RNF185: variants seen among roughly 807,000 people sequenced by gnomAD.
The protein encoded by RNF185 is E3 ubiquitin-protein ligase RNF185.
Under a neutral mutation model 24.9 loss-of-function variants are expected in RNF185, and 13 were observed. The observed-to-expected ratio is 0.52, with a 90% CI of 0.34 to 0.83. The LOEUF is 0.83. Among genes scored for constraint, RNF185 ranks in the 40% least tolerant of loss-of-function variants. The probability of loss-of-function intolerance (pLI) is 0.01; values close to 1 mark genes in which losing one functional copy is unlikely to be tolerated. For missense variants in RNF185, 184 were observed against 244.7 expected (o/e 0.75, Z 1.65); for synonymous variants, 79 against 90.3 (o/e 0.88, Z 0.71).
chr22:31,192,984 A>G (rs1568970508), intron 3 of RNF185, among the ~76,000 whole-genome samples: 1 of 152,174 alleles, frequency 6.6e-6, no homozygotes, highest in African/African-American at 2.4e-5. Flanking sequence ...TATTTTTGAG[A>G]TTCTGCTTCT....
Position 31,181,330 on chromosome 22 carries a change from C to T in RNF185, c.-48-5717C>T, listed in dbSNP as rs184349135. On this transcript the variant is annotated intron_variant, in intron 1 of 6. Transcript: ENST00000326132. ...CTGCACTCCAGCCTGGGCAACAGAG[C>T]GAGACCATCTCAAAAAAAAGAAAAA... 1.6e-4 allele frequency among the ~76,000 whole-genome samples: 24 copies of T among 151,058 alleles called. No homozygotes were observed. The East Asian group carries it at 2.0e-3, about 12-fold the overall frequency.
At chr22:31,192,522 A>C (rs552608674) in intron 2 of RNF185, among the ~76,000 whole-genome samples, 162 bp from the exon 3 acceptor site, 1 of 151,894 alleles carries the variant, frequency 6.6e-6, no homozygotes, top group South Asian at 2.1e-4. Context: ...AGTAATCCCT[A>C]CAGAACCTCA....
intron 1 of RNF185, among the ~76,000 whole-genome samples, chr22:31,181,428 T>G (rs1275781330): frequency 6.6e-6 from 1 of 152,212 alleles, no homozygotes; most frequent in East Asian, 1.9e-4. Context: ...ATCACCCAGC[T>G]TCAACAACCA....
chr22:31,183,596 T>G (rs530434632), intron 1 of RNF185, among the ~76,000 whole-genome samples: 14 of 152,182 alleles, frequency 9.2e-5, no homozygotes, highest in African/African-American at 3.1e-4. Flanking sequence ...TCTTAACGAG[T>G]ATGCTGCCTT....
At chr22:31,178,993 T>C (rs1297068746) in intron 1 of RNF185, among the ~76,000 whole-genome samples, 3 of 152,176 alleles carry the variant, frequency 2.0e-5, no homozygotes, top group Non-Finnish European at 4.4e-5. Flanking sequence ...TCCTCTAATG[T>C]CCCTGGCCCA....
chr22:31,183,326 G>A (rs1260224921), intron 1 of RNF185, among the ~76,000 whole-genome samples: 4 of 151,946 alleles, frequency 2.6e-5, no homozygotes, highest in African/African-American at 7.3e-5. Context: ...AGGCTGATGT[G>A]ACTGATCTGA....
At chr22:31,193,465 T>C (rs1290802916) in intron 3 of RNF185, among the ~76,000 whole-genome samples, 1 of 152,190 alleles carries the variant, frequency 6.6e-6, no homozygotes, top group Non-Finnish European at 1.5e-5. Flanking sequence ...TCCTCAGCCC[T>C]GAAGTCCTAG....
At chr22:31,195,968 G>A (rs2048201744) in intron 4 of RNF185, among the ~76,000 whole-genome samples, 1 of 152,172 alleles carries the variant, frequency 6.6e-6, no homozygotes, top group African/African-American at 2.4e-5. Context: ...AAATGGAGAT[G>A]TGCATGGGTC....
At chr22:31,172,458 T>C (rs1441139647) in intron 1 of RNF185, among the ~76,000 whole-genome samples, 1 of 143,234 alleles carries the variant, frequency 7.0e-6, no homozygotes, top group Non-Finnish European at 1.5e-5. Context: ...TTATTTAAAA[T>C]AACAACAAGG....
At chr22:31,188,932 A>G (rs560722701) in intron 2 of RNF185, among the ~76,000 whole-genome samples, 109 of 150,376 alleles carry the variant, frequency 7.2e-4, no homozygotes, top group Middle Eastern at 3.5e-3. Flanking sequence ...CATCCTGGCT[A>G]ACACGGTGAA....
intron 1 of RNF185, among the ~76,000 whole-genome samples, chr22:31,170,986 A>G (rs967684061): frequency 6.6e-6 from 1 of 151,846 alleles, no homozygotes; most frequent in Non-Finnish European, 1.5e-5. Flanking sequence ...AGGTCTCTGA[A>G]TACAGGAGTG....
At chr22:31,166,321 A>G (rs760437489) in intron 1 of RNF185, among the ~76,000 whole-genome samples, 24 of 152,030 alleles carry the variant, frequency 1.6e-4, no homozygotes, top group Non-Finnish European at 2.8e-4. Flanking sequence ...TTTGGGAAAT[A>G]CAGAAAAATC....
chr22:31,192,444 G>A (rs2048164317), intron 2 of RNF185, among the ~76,000 whole-genome samples: 1 of 152,016 alleles, frequency 6.6e-6, no homozygotes, highest in African/African-American at 2.4e-5. Flanking sequence ...AGAGGCTGGG[G>A]TCTTATCTCC....
In RNF185 at chr22:31,195,527, G is replaced by A. The variant is rs1184889524; in HGVS notation, c.254G>A (p.Arg85Gln). The change falls in exon 4 of 7, where the codon CGA becomes CAA. Residue 85 changes from arginine (R) to glutamine (Q), a missense_variant. Physicochemically the swap from Arg to Gln is conservative, Grantham distance 43. Coordinates refer to ENST00000326132, the MANE Select transcript of RNF185 (RefSeq NM_152267.4). ...VCPVCKAGISRDKVIPLYGRG... is the reference protein window; with the variant it reads ...VCPVCKAGISQDKVIPLYGRG... ...CCTGTTTGCAAAGCTGGCATCAGCC[G>A]AGACAAGGTCATCCCCCTCTATGGA... is the stretch of plus-strand genomic sequence containing the variant. The A allele has an allele frequency of 5.0e-6, 8 of 1,611,556 alleles. No individual in the cohort carries two copies. The highest frequency in any genetic ancestry group is 4.0e-5 in the African/African-American group (3 of 74,848).
chr22:31,198,068 A>G (rs2048224018), intron 5 of RNF185, among the ~76,000 whole-genome samples: 1 of 152,228 alleles, frequency 6.6e-6, no homozygotes, highest in African/African-American at 2.4e-5. Flanking sequence ...CACCATTGCC[A>G]AGAGCCCAGA....
chr22:31,160,915 A>G (rs1176899808), intron 1 of RNF185, among the ~76,000 whole-genome samples: 1 of 152,220 alleles, frequency 6.6e-6, no homozygotes, highest in African/African-American at 2.4e-5. Flanking sequence ...GGTCCTGTAT[A>G]TACTAATGTT....
intron 1 of RNF185, among the ~76,000 whole-genome samples, chr22:31,173,286 T>C (rs2047947719): frequency 6.6e-6 from 1 of 152,116 alleles, no homozygotes; most frequent in Non-Finnish European, 1.5e-5. Flanking sequence ...TATGTAACAT[T>C]TCCAGTTCTG....
rs148783978 is a variant in RNF185, at chr22:31,187,206, G to T, written c.112G>T (p.Glu38Ter). 11 of 1,614,002 alleles carry T rather than the reference G, an allele frequency of 6.8e-6. No homozygotes were observed. The highest frequency in any genetic ancestry group is 8.5e-6 in the Non-Finnish European group (10 of 1,179,984). Residue 38 changes from glutamate (E) to a stop codon, truncating the protein, a stop_gained, in exon 2 of 7, where the codon GAG (glutamate) becomes TAG (stop). Transcript: ENST00000326132. LOFTEE classifies it high-confidence loss of function. ...GESGGQDSTF[E>*]CNICLDTAKD... ...GAGCGGAGGGCAGGACAGCACTTTC[G>T]AGTGCAACATCTGCTTGGACACAGC...
intron 1 of RNF185, among the ~76,000 whole-genome samples, chr22:31,176,491 CTTTTTTT>C (rs1231883999): frequency 7.5e-6 from 1 of 132,698 alleles, no homozygotes; most frequent in Admixed American, 7.7e-5. Flanking sequence ...TTTTCTTTTT[CTTTTTTT>C]TTTTTTTTTA....
Sources: gnomAD v4.1 joint callset for allele counts (sites outside exome capture counted in the v4.1 genomes callset) on GRCh38, gnomAD v4.1.1 for gene constraint, MANE v1.5 for transcripts, NCBI Gene and HGNC (gene_info 2026-07-23, HGNC 2026-07-21) for gene names.